ESRRB: variants seen among roughly 807,000 people sequenced by gnomAD.
ESRRB encodes the protein estrogen related receptor beta, also known as steroid hormone receptor ERR2.
In ESRRB, 16 loss-of-function variants were observed where a neutral mutation model predicts 46.0. The observed-to-expected ratio is 0.35, with a 90% CI of 0.24 to 0.53. The LOEUF (loss-of-function observed/expected upper bound fraction) is 0.53. Ranked by LOEUF, ESRRB falls within the 20% of genes least tolerant of loss-of-function variation. The pLI is 0.93. For synonymous variants in ESRRB, 246 were observed against 259.6 expected (o/e 0.95, Z 0.50); for missense variants, 488 against 607.4 (o/e 0.80, Z 2.07).
At chr14:76,348,681 G>A (rs1884277898) in intron 1 of ESRRB, among the ~76,000 whole-genome samples, 1 of 152,332 alleles carries the variant, frequency 6.6e-6, no homozygotes, top group East Asian at 1.9e-4. Context: ...AATCTAGGCT[G>A]AGGGATCATA....
At chr14:76,453,703 G>T (rs1052680338) in intron 2 of ESRRB, among the ~76,000 whole-genome samples, 1 of 149,264 alleles carries the variant, frequency 6.7e-6, no homozygotes, top group Admixed American at 6.8e-5. Context: ...CAACCTCCCT[G>T]GGCTCAAGTG....
At chr14:76,438,541 G>A (rs1185953939) in intron 1 of ESRRB, among the ~76,000 whole-genome samples, 1 of 152,036 alleles carries the variant, frequency 6.6e-6, no homozygotes, top group African/African-American at 2.4e-5. Context: ...GCGGGTGCCT[G>A]TAATCCCAGC....
At chr14:76,494,452 G>A (rs965290670) in intron 6 of ESRRB, among the ~76,000 whole-genome samples, 9 of 151,928 alleles carry the variant, frequency 5.9e-5, no homozygotes, top group Admixed American at 1.3e-4. Flanking sequence ...GATTACAGGC[G>A]CCTGCCACCA....
intron 1 of ESRRB, among the ~76,000 whole-genome samples, chr14:76,392,507 A>G (rs921568403): frequency 6.6e-6 from 1 of 152,238 alleles, no homozygotes; most frequent in Non-Finnish European, 1.5e-5. Context: ...TTGAAGAGCC[A>G]GGATGCATGT....
intron 1 of ESRRB, among the ~76,000 whole-genome samples, chr14:76,418,288 T>G (rs1429570469): frequency 1.3e-5 from 2 of 152,122 alleles, no homozygotes; most frequent in Admixed American, 1.3e-4. Context: ...TTTAATGAAA[T>G]TGTTTTTTGG....
At position 76,498,717 on chromosome 14, in the gene ESRRB, G is replaced by T; in HGVS notation, c.*259G>T. Reference sequence around the variant, plus strand: ...GGTATGTCTTTCCTTCTCCATGGACGGTGCGGAGGCCTGGGCCAGGGCTGA... The same window carrying T: ...GGTATGTCTTTCCTTCTCCATGGACTGTGCGGAGGCCTGGGCCAGGGCTGA... On this transcript the variant is annotated 3_prime_UTR_variant, in exon 7 of 7. Transcript: ENST00000644823. 1.6e-6 allele frequency: 2 copies of T among 1,238,406 alleles called. No individual in the cohort carries two copies. The highest frequency in any genetic ancestry group is 2.3e-6 in the Non-Finnish European group (2 of 866,698). The allele number at this position is 1,238,406 out of a possible 1,614,324, so 76.7% of individuals were successfully genotyped here.
chr14:76,436,411 T>G (rs1325453435), intron 1 of ESRRB, among the ~76,000 whole-genome samples: 1 of 152,242 alleles, frequency 6.6e-6, no homozygotes, highest in African/African-American at 2.4e-5. Flanking sequence ...GTGTATCTCC[T>G]GAGATCTCTG....
At chr14:76,400,454 T>C (rs1043911468) in intron 1 of ESRRB, among the ~76,000 whole-genome samples, 1 of 152,274 alleles carries the variant, frequency 6.6e-6, no homozygotes, top group Admixed American at 6.5e-5. Flanking sequence ...ACCGCTTCCA[T>C]TGAAGTCTGT....
At chr14:76,449,280 G>A (rs1888281828) in intron 2 of ESRRB, among the ~76,000 whole-genome samples, 1 of 152,054 alleles carries the variant, frequency 6.6e-6, no homozygotes, top group Admixed American at 6.5e-5. Context: ...GGCCAGGCAT[G>A]GTGGCTCATG....
intron 1 of ESRRB, among the ~76,000 whole-genome samples, chr14:76,423,803 CG>C (rs1887078990): frequency 6.6e-6 from 1 of 152,112 alleles, no homozygotes; most frequent in South Asian, 2.1e-4. Context: ...CCATCATATA[CG>C]GGGAGCAAAG....
At chr14:76,498,167 C>T in intron 6 of ESRRB, 47 bp from the exon 7 acceptor site, 8 of 1,611,998 alleles carry the variant, frequency 5.0e-6, no homozygotes, top group Non-Finnish European at 6.8e-6. Flanking sequence ...CCACACCAGG[C>T]AGCACTCCCT....
At chr14:76,418,770 C>T (rs1230011023) in intron 1 of ESRRB, among the ~76,000 whole-genome samples, 1 of 152,118 alleles carries the variant, frequency 6.6e-6, no homozygotes, top group Non-Finnish European at 1.5e-5. Context: ...TGCCTGCCAC[C>T]ATGCCTGGCT....
chr14:76,479,363 C>G (rs147722598), intron 3 of ESRRB, among the ~76,000 whole-genome samples: 13 of 152,312 alleles, frequency 8.5e-5, no homozygotes, highest in African/African-American at 2.9e-4. Context: ...AGCTGGGAGC[C>G]TCAGTTGCCC....
At chr14:76,495,486 G>A (rs1300608049) in intron 6 of ESRRB, 2 of 151,144 alleles carry the variant, frequency 1.3e-5, no homozygotes, top group Non-Finnish European at 2.9e-5. Context: ...GCACGGAGGG[G>A]TTGAGCATGA....
At chr14:76,452,645 AAAC>A (rs200221895) in intron 2 of ESRRB, among the ~76,000 whole-genome samples, 4 of 93,140 alleles carry the variant, frequency 4.3e-5, no homozygotes, top group Admixed American at 1.0e-4. Flanking sequence ...AACAAAAACA[AAAC>A]AAAACAAAAA....
At chr14:76,366,212 T>TG (rs1206897881) in intron 1 of ESRRB, among the ~76,000 whole-genome samples, 1 of 151,954 alleles carries the variant, frequency 6.6e-6, no homozygotes, top group Non-Finnish European at 1.5e-5. Context: ...GTTGCTGGGG[T>TG]GGGAAAGAGA....
chr14:76,429,278 A>G (rs1425595656), intron 1 of ESRRB, among the ~76,000 whole-genome samples: 1 of 152,174 alleles, frequency 6.6e-6, no homozygotes, highest in Non-Finnish European at 1.5e-5. Context: ...GGGCTGTTTT[A>G]TTATCTGAAA....
intron 1 of ESRRB, among the ~76,000 whole-genome samples, chr14:76,434,125 G>A (rs1251499066): frequency 6.6e-6 from 1 of 152,076 alleles, no homozygotes; most frequent in African/African-American, 2.4e-5. Context: ...TGCCTGGCGT[G>A]AGCCACTGCA....
intron 6 of ESRRB, among the ~76,000 whole-genome samples, chr14:76,494,852 C>G (rs1890362620): frequency 6.6e-6 from 1 of 152,130 alleles, no homozygotes; most frequent in Non-Finnish European, 1.5e-5. Flanking sequence ...AGGTCAAGCC[C>G]TCTATTCTGG....
Sources: gnomAD v4.1 joint callset for allele counts (sites outside exome capture counted in the v4.1 genomes callset) on GRCh38, gnomAD v4.1.1 for gene constraint, MANE v1.5 for transcripts, NCBI Gene and HGNC (gene_info 2026-07-23, HGNC 2026-07-21) for gene names.